CUX1: variants seen among roughly 807,000 people sequenced by gnomAD.
CUX1 encodes the protein cut like homeobox 1.
CUX1 carries 31 observed loss-of-function variants against 158.8 expected under a neutral mutation model. The ratio of observed to expected loss-of-function variants is 0.20; its 90% CI spans 0.15 to 0.26. The LOEUF is 0.26. Among genes scored for constraint, CUX1 ranks in the 10% least tolerant of loss-of-function variants. CUX1 has a pLI of 1.00. For synonymous variants in CUX1, 879 were observed against 862.1 expected (o/e 1.02, Z -0.34); for missense variants, 1,589 against 2,014.6 (o/e 0.79, Z 4.04).
At chr7:101,973,540 A>G (rs575215010) in intron 2 of CUX1, among the ~76,000 whole-genome samples, 19 of 152,224 alleles carry the variant, frequency 1.2e-4, no homozygotes, top group African/African-American at 4.1e-4. Flanking sequence ...AAAAATGTAC[A>G]CTTCATACTG....
downstream of CUX1, among the ~76,000 whole-genome samples, chr7:102,259,568 A>G (rs528825280): frequency 6.6e-6 from 1 of 152,304 alleles, no homozygotes; most frequent in Admixed American, 6.5e-5. Context: ...GGCCTGGGCG[A>G]TAGAGCGAAA....
chr7:102,107,736 G>A (rs959917329), intron 6 of CUX1, among the ~76,000 whole-genome samples: 5 of 152,140 alleles, frequency 3.3e-5, no homozygotes, highest in Admixed American at 6.5e-5. Context: ...CAGCTTTTGC[G>A]GCTAATCAGG....
chr7:102,244,671 C>A (rs1800616439), intron 23 of CUX1, among the ~76,000 whole-genome samples: 1 of 152,012 alleles, frequency 6.6e-6, no homozygotes, highest in Non-Finnish European at 1.5e-5. Context: ...GCCTGGGGAA[C>A]AGAGCAAGAC....
At chr7:102,114,082 G>T (rs1193920031) in intron 7 of CUX1, among the ~76,000 whole-genome samples, 10 of 152,122 alleles carry the variant, frequency 6.6e-5, no homozygotes, top group African/African-American at 2.2e-4. Context: ...AGAACTGAAG[G>T]TTATTGCCAC....
chr7:102,176,114 A>T (rs1025632796), intron 10 of CUX1, among the ~76,000 whole-genome samples: 1 of 152,244 alleles, frequency 6.6e-6, no homozygotes, highest in African/African-American at 2.4e-5. Flanking sequence ...CACCTCTTTT[A>T]CAACCTCATA....
At chr7:102,063,822 G>A (rs969341909) in intron 3 of CUX1, among the ~76,000 whole-genome samples, 5 of 152,196 alleles carry the variant, frequency 3.3e-5, no homozygotes, top group Non-Finnish European at 5.9e-5. Context: ...CACCCACTGC[G>A]TGCCCGTGGT....
intron 7 of CUX1, 112 bp downstream of exon 7, chr7:102,111,886 TG>T (rs1830927896): frequency 1.1e-6 from 1 of 916,138 alleles, no homozygotes; most frequent in African/African-American, 1.6e-5. Context: ...TTCGGGGCCG[TG>T]GGAGCTGCCG....
chr7:101,996,377 C>T (rs921537807), intron 2 of CUX1, among the ~76,000 whole-genome samples: 10 of 151,992 alleles, frequency 6.6e-5, no homozygotes, highest in Non-Finnish European at 1.3e-4. Flanking sequence ...CCCCCCAACC[C>T]GCTGACCTTT....
rs782164470 is a variant in CUX1 at position 102,254,189 on chromosome 7, G to A, written c.*5147G>A. 6.1e-5 allele frequency: 60 copies of A among 985,420 alleles called. No individual in the cohort carries two copies. Among genetic ancestry groups the A allele is most frequent in the African/African-American group, 1.2e-4 (7 of 57,214 alleles). 61.0% of individuals were successfully genotyped at this position (985,420 alleles called of 1,614,324 possible). On this transcript the variant is annotated 3_prime_UTR_variant, in exon 24 of 24. Coordinates refer to ENST00000292535, the MANE Select transcript of CUX1 (RefSeq NM_181552.4). ...CAGCTGTTTCTTTTGCAGGCAGGGC[G>A]TGGTCTCGGGGCTCCGAGGGTCTTG...
chr7:102,200,468 G>A (rs1206370360), intron 17 of CUX1, among the ~76,000 whole-genome samples: 6 of 151,936 alleles, frequency 3.9e-5, no homozygotes, highest in Admixed American at 2.6e-4. Context: ...TCAGTCTCCC[G>A]AGTAGCTGGG....
At chr7:102,101,787 C>T (rs1397703124) in intron 5 of CUX1, among the ~76,000 whole-genome samples, 2 of 152,084 alleles carry the variant, frequency 1.3e-5, no homozygotes, top group Non-Finnish European at 2.9e-5. Flanking sequence ...TGGCACACGC[C>T]TGTAATCCCA....
intron 3 of CUX1, among the ~76,000 whole-genome samples, chr7:102,028,683 C>T (rs1355612517): frequency 1.3e-5 from 2 of 152,332 alleles, no homozygotes; most frequent in East Asian, 3.9e-4. Context: ...ACGGAGCCAT[C>T]TGGCAGACGG....
chr7:101,926,193 G>A (rs1439999391), intron 2 of CUX1, among the ~76,000 whole-genome samples: 2 of 152,106 alleles, frequency 1.3e-5, no homozygotes, highest in African/African-American at 2.4e-5. Flanking sequence ...AATCATTCTA[G>A]AATCACCTAC....
chr7:102,032,722 CTTATAA>C (rs1443398500), intron 3 of CUX1, among the ~76,000 whole-genome samples: 2 of 151,940 alleles, frequency 1.3e-5, no homozygotes, highest in Non-Finnish European at 2.9e-5. Flanking sequence ...GAAATGATTA[CTTATAA>C]TTATTATAAC....
intron 11 of CUX1, among the ~76,000 whole-genome samples, chr7:102,182,080 G>A (rs1026303995): frequency 4.6e-5 from 7 of 152,046 alleles, no homozygotes; most frequent in Admixed American, 1.3e-4. Context: ...GGGGACCCTC[G>A]GACACACGAT....
intron 20 of CUX1, among the ~76,000 whole-genome samples, chr7:102,217,799 C>CTAGAGGGAGGGAGGCTCTGGATGG (rs1797400349): frequency 3.3e-5 from 4 of 120,614 alleles, no homozygotes; most frequent in Non-Finnish European, 4.8e-5. Flanking sequence ...TCTGGATGGA[C>CTAGAGGGAGGGAGGCTCTGGATGG]ACGATGGTGT....
intron 2 of CUX1, among the ~76,000 whole-genome samples, chr7:102,021,260 A>G (rs1013650849): frequency 6.6e-6 from 1 of 152,116 alleles, no homozygotes; most frequent in Admixed American, 6.6e-5. Flanking sequence ...AAAGTATCCA[A>G]GTTACTGTAG....
intron 3 of CUX1, among the ~76,000 whole-genome samples, chr7:102,042,777 A>G (rs1822270874): frequency 1.3e-5 from 2 of 152,004 alleles, no homozygotes; most frequent in Admixed American, 6.6e-5. Flanking sequence ...TTTATAGTGT[A>G]TAATGTGATG....
chr7:102,009,955 A>G (rs982636264), intron 2 of CUX1, among the ~76,000 whole-genome samples: 1 of 152,214 alleles, frequency 6.6e-6, no homozygotes, highest in African/African-American at 2.4e-5. Context: ...GTTAAAACCT[A>G]TAAAGACAGC....
Sources: gnomAD v4.1 joint callset for allele counts (sites outside exome capture counted in the v4.1 genomes callset) on GRCh38, gnomAD v4.1.1 for gene constraint, MANE v1.5 for transcripts, NCBI Gene and HGNC (gene_info 2026-07-23, HGNC 2026-07-21) for gene names.